Variants in DEFB124 observed in about 807,000 individuals in gnomAD.
DEFB124 encodes defensin beta 124.
For missense variants in DEFB124, 78 were observed against 83.1 expected (o/e 0.94, Z 0.24); for synonymous variants, 38 against 36.5 (o/e 1.04, Z -0.15).
chr20:31,472,389 A>T (rs172561), intron 2 of DEFB124, among the ~76,000 whole-genome samples: 4 of 146,326 alleles, frequency 2.7e-5, no homozygotes, highest in Admixed American at 1.4e-4. Flanking sequence ...AGAGGGAGAC[A>T]GTGGAAAGAG....
At chr20:31,470,952 C>T (rs1268734511) in intron 2 of DEFB124, among the ~76,000 whole-genome samples, 2 of 138,114 alleles carry the variant, frequency 1.4e-5, no homozygotes, top group African/African-American at 5.5e-5. Flanking sequence ...CCAGTAGGGG[C>T]GGCTGGGCAG....
intron 2 of DEFB124, among the ~76,000 whole-genome samples, chr20:31,470,353 CG>C (rs1980211991): frequency 8.6e-5 from 12 of 138,840 alleles, no homozygotes; most frequent in Admixed American, 8.5e-4. Context: ...CCTCACCCCC[CG>C]GACGGGGTGG....
chr20:31,466,665 T>C (rs1980092636), intron 2 of DEFB124, among the ~76,000 whole-genome samples: 1 of 146,698 alleles, frequency 6.8e-6, no homozygotes. Context: ...GAGCAGAATT[T>C]GGACTCAAAC....
At chr20:31,466,880 A>G (rs1468249671) in intron 2 of DEFB124, among the ~76,000 whole-genome samples, 1 of 152,098 alleles carries the variant, frequency 6.6e-6, no homozygotes, top group Non-Finnish European at 1.5e-5. Context: ...TATTCACTCA[A>G]TAAACACGGA....
At chr20:31,473,447 T>C (rs1265666790) in intron 1 of DEFB124, among the ~76,000 whole-genome samples, 1 of 152,150 alleles carries the variant, frequency 6.6e-6, no homozygotes, top group Non-Finnish European at 1.5e-5. Flanking sequence ...CAAGCATCCC[T>C]TACAAGGCCA....
At chr20:31,470,374 C>T (rs1980213373) in intron 2 of DEFB124, among the ~76,000 whole-genome samples, 1 of 142,082 alleles carries the variant, frequency 7.0e-6, no homozygotes, top group Non-Finnish European at 1.5e-5. Flanking sequence ...GCTGGCCGGG[C>T]GGGGGGCTGA....
chr20:31,472,612 A>G, intron 2 of DEFB124: 1 of 253,260 alleles, frequency 3.9e-6, no homozygotes, highest in East Asian at 9.2e-5. Context: ...CACCCAACAT[A>G]TGTTTATCCA....
intron 2 of DEFB124, among the ~76,000 whole-genome samples, chr20:31,470,799 C>A (rs1449715613): frequency 7.4e-6 from 1 of 134,974 alleles, no homozygotes; most frequent in Non-Finnish European, 1.6e-5. Flanking sequence ...GCGCCCCTCA[C>A]CTCCCGGACG....
Position 31,467,384 on chromosome 20 carries a change from C to T in DEFB124, c.59-1721G>A, listed in dbSNP as rs118122067. 9.8e-4 allele frequency among the ~76,000 whole-genome samples: 150 copies of T among 152,316 alleles called. 2 individuals are homozygous for T. The East Asian group carries it at 0.024, about 24-fold the overall frequency. ...AGGCAAAGAATCCACCCTCTGAAGA[C>T]GGTGTGTAGTATAATCGTTAACAGT... is the stretch of plus-strand genomic sequence containing the variant. On this transcript the variant is annotated intron_variant, in intron 2 of 2. Coordinates refer to ENST00000317676, the MANE Select transcript of DEFB124 (RefSeq NM_001037500.2).
intron 1 of DEFB124, 28 bp from the exon 2 acceptor site, chr20:31,473,066 G>T: frequency 6.3e-7 from 1 of 1,597,196 alleles, no homozygotes; most frequent in South Asian, 1.1e-5. Context: ...GGAAAGACCC[G>T]AGCAGGCTGA....
intron 2 of DEFB124, among the ~76,000 whole-genome samples, chr20:31,470,524 C>A (rs976133805): frequency 7.4e-6 from 1 of 134,936 alleles, no homozygotes; most frequent in African/African-American, 2.8e-5. Context: ...GCGCCCCTCA[C>A]TTCCCGGACG....
At chr20:31,468,721 C>T (rs1234779629) in intron 2 of DEFB124, among the ~76,000 whole-genome samples, 1 of 151,932 alleles carries the variant, frequency 6.6e-6, no homozygotes, top group African/African-American at 2.4e-5. Flanking sequence ...ATGATCCACC[C>T]GCCTCGGCCT....
At chr20:31,468,772 G>T (rs1980148045) in intron 2 of DEFB124, among the ~76,000 whole-genome samples, 1 of 151,892 alleles carries the variant, frequency 6.6e-6, no homozygotes, top group Non-Finnish European at 1.5e-5. Context: ...ACCGCGCCCG[G>T]CCAGGGTTCT....
In DEFB124 at chr20:31,474,645, T is replaced by C. The variant is rs1253119147; in HGVS notation, c.-44A>G. Among the ~76,000 whole-genome samples the C allele has an allele frequency of 2.0e-5, 3 of 152,140 alleles. No homozygotes were observed. The highest frequency in any genetic ancestry group is 4.8e-5 in the African/African-American group (2 of 41,428). On this transcript the variant is annotated 5_prime_UTR_variant, in exon 1 of 3. Transcript: ENST00000317676. ...TCCATACCTGGGAGCATTTTTTTTT[T>C]CAGCCATCAGTAATAGAAACAGTAG...
chr20:31,470,348 CCCCCCGGACGGGG>C (rs1980211598), intron 2 of DEFB124, among the ~76,000 whole-genome samples: 1 of 139,760 alleles, frequency 7.2e-6, no homozygotes, highest in Non-Finnish European at 1.6e-5. Flanking sequence ...GCGCCCCTCA[CCCCCCGGACGGGG>C]TGGCTGGCCG....
At chr20:31,471,686 C>T (rs1359862996) in intron 2 of DEFB124, among the ~76,000 whole-genome samples, 2 of 143,838 alleles carry the variant, frequency 1.4e-5, no homozygotes, top group East Asian at 2.2e-4. Flanking sequence ...ACTTCTCAGA[C>T]GGGGCGGCTG....
Sources: allele counts gnomAD v4.1 joint callset (sites outside exome capture counted in the v4.1 genomes callset), GRCh38; gene constraint gnomAD v4.1.1; transcripts MANE v1.5; gene names NCBI Gene and HGNC (gene_info 2026-07-23, HGNC 2026-07-21).